Variants in SPOP observed in about 807,000 individuals in gnomAD.
SPOP encodes speckle-type POZ protein.
In SPOP, 11 loss-of-function variants were observed where a neutral mutation model predicts 45.6. The observed-to-expected ratio is 0.24, with a 90% confidence interval of 0.15 to 0.40. The LOEUF (loss-of-function observed/expected upper bound fraction) is 0.40. SPOP is among the 10% of genes least tolerant of loss of function. The pLI is 1.00. For missense variants in SPOP, 152 were observed against 465.6 expected, an observed-to-expected ratio of 0.33 and a Z score of 6.20; for synonymous variants, 166 against 166.3, an observed-to-expected ratio of 1.00 and a Z score of 0.01.
At chr17:49,667,233 C>CA (rs201493256) in intron 1 of SPOP, among the ~76,000 whole-genome samples, 1,627 of 104,864 alleles carry the variant, frequency 0.016, 34 homozygotes, top group African/African-American at 0.047. Context: ...GCTACTATTA[C>CA]AAAAAAAAAA....
At position 49,617,972 on chromosome 17, in the gene SPOP, CG is replaced by C. The variant is rs1567777246; in HGVS notation, c.480+1008del. On this transcript the variant is annotated intron_variant, in intron 5 of 9. Transcript: ENST00000504102. ...AGAAAGCAATACATAAGCCTGCTAC[CG>C]ACCGCTAGGCCTTTTCTGCAAAAGG... 7.5e-4 allele frequency among the ~76,000 whole-genome samples: 114 copies of C among 151,758 alleles called. 1 individual carries two copies. Among genetic ancestry groups the C allele is most frequent in the African/African-American group, 2.6e-3 (106 of 41,372 alleles).
chr17:49,643,844 C>A (rs574927435), intron 1 of SPOP, among the ~76,000 whole-genome samples: 7 of 151,184 alleles, frequency 4.6e-5, no homozygotes, highest in Non-Finnish European at 1.0e-4. Flanking sequence ...GAAGGAGAAT[C>A]GCTTGAACCC....
intron 5 of SPOP, among the ~76,000 whole-genome samples, chr17:49,618,047 C>T (rs149893782): frequency 6.6e-6 from 1 of 152,180 alleles, no homozygotes; most frequent in East Asian, 1.9e-4. Flanking sequence ...TGGTGATATG[C>T]CTTTGAAACT....
At chr17:49,677,590 G>A (rs565506507) in intron 1 of SPOP, among the ~76,000 whole-genome samples, 2 of 152,208 alleles carry the variant, frequency 1.3e-5, no homozygotes, top group Non-Finnish European at 1.5e-5. Context: ...CAGCGAAGAA[G>A]CAGCCCGAGC....
In SPOP at chr17:49,619,488, C is replaced by G. The variant is rs2072173194; in HGVS notation, c.201-103G>C. On this transcript the variant is annotated intron_variant, in intron 3 of 9. Coordinates refer to ENST00000504102, the MANE Select transcript of SPOP (RefSeq NM_001007228.2). The surrounding 1 kb of genome is among the most constrained non-coding windows in gnomAD (Gnocchi z 4.9). Reference sequence around the variant, plus strand: ...AGATGTTTAAAAAACAAATGCAGGCCCCATAGAAGAATATAATTCAGTAGA... The same window carrying G: ...AGATGTTTAAAAAACAAATGCAGGCGCCATAGAAGAATATAATTCAGTAGA... 1 of 1,265,866 alleles carries G rather than the reference C, an allele frequency of 7.9e-7. No homozygotes were observed. The highest frequency in any genetic ancestry group is 1.1e-6 in the Non-Finnish European group (1 of 932,890). The allele number at this position is 1,265,866 out of a possible 1,614,324, so 78.4% of individuals were successfully genotyped here.
At chr17:49,621,828 A>G in intron 3 of SPOP, 118 bp downstream of exon 3, 1 of 1,125,524 alleles carries the variant, frequency 8.9e-7, no homozygotes, top group Non-Finnish European at 1.3e-6. Context: ...GAAATACAGT[A>G]AGAACAAAAC....
chr17:49,607,240 C>A lies in SPOP; in HGVS notation c.837+10G>T, dbSNP rs760401598. ...TCCTAGTCCTGATTATTTTTCTATT[C>A]TTATCTTACCTTGTCAGCAGCTGCC... On this transcript the variant is annotated intron_variant, in intron 8 of 9. Coordinates refer to ENST00000504102, the MANE Select transcript of SPOP (RefSeq NM_001007228.2). 5 of 1,613,976 alleles carry A rather than the reference C, an allele frequency of 3.1e-6. No homozygotes were observed. The highest frequency in any genetic ancestry group is 4.2e-6 in the Non-Finnish European group (5 of 1,179,956).
intron 5 of SPOP, among the ~76,000 whole-genome samples, chr17:49,614,814 TGTG>T (rs1278297324): frequency 6.1e-5 from 9 of 148,514 alleles, no homozygotes; most frequent in Non-Finnish European, 1.4e-4. Context: ...TGTGTGTGTG[TGTG>T]TGTGTGTGTG....
chr17:49,667,252 T>A (rs1215759115), intron 1 of SPOP, among the ~76,000 whole-genome samples: 1 of 147,306 alleles, frequency 6.8e-6, no homozygotes, highest in Non-Finnish European at 1.5e-5. Context: ...AATTTTTTTT[T>A]AACAAAATAA....
At chr17:49,637,603 GA>G (rs2072566017) in intron 1 of SPOP, among the ~76,000 whole-genome samples, 1 of 152,022 alleles carries the variant, frequency 6.6e-6, no homozygotes, top group South Asian at 2.1e-4. Flanking sequence ...TGCCCACCTC[GA>G]CCTCCCAAAG....
At position 49,619,396 on chromosome 17, in the gene SPOP, CAGAT is replaced by C. The variant is rs2072170319; in HGVS notation, c.201-15_201-12del. 2 of 1,584,442 alleles carry C rather than the reference CAGAT, an allele frequency of 1.3e-6. No homozygotes were observed. Among genetic ancestry groups the C allele is most frequent in the East Asian group, 2.2e-5 (1 of 44,532 alleles). On this transcript the variant is annotated splice_polypyrimidine_tract_variant and intron_variant, in intron 3 of 9. Coordinates refer to ENST00000504102, the MANE Select transcript of SPOP (RefSeq NM_001007228.2). The surrounding 1 kb of genome is among the most constrained non-coding windows in gnomAD (Gnocchi z 4.9). ...TTTACTCGCAAACACCTGTCCAAAA[CAGAT>C]AGAAAAAAAAAATGTCAAAAGCATC... is the stretch of plus-strand genomic sequence containing the variant.
intron 1 of SPOP, among the ~76,000 whole-genome samples, chr17:49,657,095 G>A (rs1320547620): frequency 6.6e-6 from 1 of 151,876 alleles, no homozygotes; most frequent in Non-Finnish European, 1.5e-5. Flanking sequence ...TGAGGCAGGA[G>A]AATGTGGTGA....
At position 49,609,482 on chromosome 17, in the gene SPOP, GGGA is replaced by G. The variant is rs369060990; in HGVS notation, c.659-1556_659-1554del. On this transcript the variant is annotated intron_variant, in intron 6 of 9. Transcript: ENST00000504102. ...CAACGGGAATAAATGAAATCACTCA[GGGA>G]GAAGAAGTGGAATGAAAACGGAACT... Among the ~76,000 whole-genome samples the G allele has an allele frequency of 9.7e-3, 1,477 of 152,234 alleles. 13 individuals are homozygous for G. Among genetic ancestry groups the G allele is most frequent in the African/African-American group, 0.014 (568 of 41,540 alleles).
chr17:49,618,302 AGTATATACTCATTAAAGAAACCACT>A (rs2072133589), intron 5 of SPOP, among the ~76,000 whole-genome samples: 1 of 152,240 alleles, frequency 6.6e-6, no homozygotes, highest in Non-Finnish European at 1.5e-5. Flanking sequence ...ATGACTAATC[AGTATATACTCATTAAAGAAACCACT>A]TTCCAACTCA....
intron 8 of SPOP, among the ~76,000 whole-genome samples, chr17:49,604,684 C>A (rs1669545416): frequency 6.6e-6 from 1 of 152,204 alleles, no homozygotes; most frequent in Non-Finnish European, 1.5e-5. Context: ...CACGCCAACT[C>A]TACTTGTCCG....
At chr17:49,668,724 C>CATATATATTGACAT (rs2073095014) in intron 1 of SPOP, among the ~76,000 whole-genome samples, 1 of 150,806 alleles carries the variant, frequency 6.6e-6, no homozygotes, top group Non-Finnish European at 1.5e-5. Flanking sequence ...TATATACACA[C>CATATATATTGACAT]ATATATATTG....
At chr17:49,616,999 C>T (rs1478691739) in intron 5 of SPOP, among the ~76,000 whole-genome samples, 1 of 152,122 alleles carries the variant, frequency 6.6e-6, no homozygotes, top group Non-Finnish European at 1.5e-5. Flanking sequence ...CGGATTTAAC[C>T]ACAGGATAAG....
intron 1 of SPOP, among the ~76,000 whole-genome samples, chr17:49,640,111 G>C (rs1017522908): frequency 2.0e-5 from 3 of 152,114 alleles, no homozygotes; most frequent in Non-Finnish European, 2.9e-5. Context: ...AAATTAGCCA[G>C]ATGTGGTGGC....
At chr17:49,674,701 A>C (rs1391848276) in intron 1 of SPOP, among the ~76,000 whole-genome samples, 1 of 152,254 alleles carries the variant, frequency 6.6e-6, no homozygotes, top group Non-Finnish European at 1.5e-5. Context: ...CAGAGCTATC[A>C]AAAGGAGATC....
Sources: allele counts gnomAD v4.1 joint callset (sites outside exome capture counted in the v4.1 genomes callset), GRCh38; gene constraint gnomAD v4.1.1; non-coding constraint Gnocchi (gnomAD v3.1); transcripts MANE v1.5; gene names NCBI Gene and HGNC (gene_info 2026-07-23, HGNC 2026-07-21).